The following CDH18 variants were observed in gnomAD, a reference collection of about 807,000 sequenced individuals.
CDH18 encodes cadherin 18.
Under a neutral mutation model 67.9 loss-of-function variants are expected in CDH18, and 31 were observed. The ratio of observed to expected loss-of-function variants is 0.46; its 90% CI spans 0.34 to 0.62. CDH18 has a LOEUF of 0.62. Among genes scored for constraint, CDH18 ranks in the 20% least tolerant of loss-of-function variants. CDH18 has a pLI of 0.01. For synonymous variants in CDH18, 362 were observed against 347.2 expected (o/e 1.04, Z -0.48); for missense variants, 890 against 975.5 (o/e 0.91, Z 1.17).
intron 2 of CDH18, among the ~76,000 whole-genome samples, chr5:20,199,580 G>C (rs1272611466): frequency 6.6e-6 from 1 of 152,124 alleles, no homozygotes; most frequent in African/African-American, 2.4e-5. Context: ...GGGATTTTTG[G>C]TTAATTCTGG....
chr5:19,851,962 T>C (rs991957183), intron 2 of CDH18, among the ~76,000 whole-genome samples: 1 of 152,080 alleles, frequency 6.6e-6, no homozygotes, highest in South Asian at 2.1e-4. Context: ...GTGTTTCTAA[T>C]AGCATTGTTT....
At chr5:20,469,880 A>T (rs1027727476) in intron 1 of CDH18, among the ~76,000 whole-genome samples, 2 of 152,086 alleles carry the variant, frequency 1.3e-5, no homozygotes, top group East Asian at 3.9e-4. Context: ...GATAGTTTCA[A>T]TTCTCAGAGA....
intron 9 of CDH18, among the ~76,000 whole-genome samples, chr5:19,530,950 T>C (rs1424163123): frequency 6.6e-6 from 1 of 152,182 alleles, no homozygotes; most frequent in African/African-American, 2.4e-5. Context: ...CATGGTGTGC[T>C]GCACCCACTG....
intron 5 of CDH18, among the ~76,000 whole-genome samples, chr5:19,619,279 A>G (rs1750327918): frequency 1.3e-5 from 2 of 152,228 alleles, no homozygotes; most frequent in African/African-American, 4.8e-5. Flanking sequence ...ACAACTTACG[A>G]AGTTGAAATG....
intron 2 of CDH18, among the ~76,000 whole-genome samples, chr5:19,919,054 G>C (rs1227709207): frequency 6.6e-6 from 1 of 152,020 alleles, no homozygotes; most frequent in African/African-American, 2.4e-5. Context: ...CTAATGGCTA[G>C]TGATTTAATC....
chr5:20,428,251 C>A (rs1748464787), intron 1 of CDH18, among the ~76,000 whole-genome samples: 1 of 150,918 alleles, frequency 6.6e-6, no homozygotes, highest in Non-Finnish European at 1.5e-5. Flanking sequence ...TAGCTTCATC[C>A]ATGTCCCTGA....
intron 1 of CDH18, among the ~76,000 whole-genome samples, chr5:20,543,411 G>A (rs1021366274): frequency 1.6e-4 from 24 of 151,876 alleles, no homozygotes; most frequent in African/African-American, 5.8e-4. Context: ...AACACATTTT[G>A]TGCTAAGCTG....
chr5:19,533,010 G>T (rs1689680), intron 9 of CDH18, among the ~76,000 whole-genome samples: 1 of 152,026 alleles, frequency 6.6e-6, no homozygotes, highest in Non-Finnish European at 1.5e-5. Context: ...GGCCAATATG[G>T]AATTCAGGGG....
At chr5:19,687,325 G>A (rs1469460164) in intron 5 of CDH18, among the ~76,000 whole-genome samples, 1 of 152,164 alleles carries the variant, frequency 6.6e-6, no homozygotes, top group Admixed American at 6.5e-5. Context: ...AATGCATCCT[G>A]TTCTGAGGCC....
rs190433135 is a variant in CDH18, at chr5:20,109,745, A to G, written c.-517-117731T>C. 4.8e-4 allele frequency among the ~76,000 whole-genome samples: 73 copies of G among 152,342 alleles called. 1 individual carries two copies. Among genetic ancestry groups the G allele is most frequent in the Admixed American group, 4.8e-3 (73 of 15,298 alleles). On this transcript the variant is annotated intron_variant, in intron 2 of 14. Transcript: ENST00000507958. ...TGTTTTTGTTTGTTTTGCTTTTGCA[A>G]CAACAAAGGATTGTTTTCTGGAAGA...
intron 1 of CDH18, among the ~76,000 whole-genome samples, chr5:20,517,685 A>G (rs1026272553): frequency 6.6e-6 from 1 of 152,094 alleles, no homozygotes; most frequent in Non-Finnish European, 1.5e-5. Context: ...GGTATTACAT[A>G]TACCAGAATT....
chr5:20,333,699 C>T (rs534951624), intron 1 of CDH18, among the ~76,000 whole-genome samples: 47 of 151,882 alleles, frequency 3.1e-4, no homozygotes, highest in African/African-American at 1.1e-3. Flanking sequence ...AGAATTTAAC[C>T]GGCATCGATT....
intron 5 of CDH18, among the ~76,000 whole-genome samples, chr5:19,717,911 T>G (rs930820273): frequency 6.6e-6 from 1 of 152,068 alleles, no homozygotes; most frequent in African/African-American, 2.4e-5. Flanking sequence ...CATCATTTTT[T>G]AGTGCACATT....
At chr5:20,182,153 T>G (rs910385652) in intron 2 of CDH18, among the ~76,000 whole-genome samples, 2 of 152,120 alleles carry the variant, frequency 1.3e-5, no homozygotes, top group Non-Finnish European at 2.9e-5. Flanking sequence ...TAAGGGATAA[T>G]AGCAAAACCA....
chr5:20,161,374 T>C (rs1258404473), intron 2 of CDH18, among the ~76,000 whole-genome samples: 2 of 152,130 alleles, frequency 1.3e-5, no homozygotes, highest in Non-Finnish European at 2.9e-5. Flanking sequence ...GGAGCATTCC[T>C]ACAAACAAAC....
At chr5:20,457,762 G>C (rs1750945269) in intron 1 of CDH18, among the ~76,000 whole-genome samples, 1 of 152,138 alleles carries the variant, frequency 6.6e-6, no homozygotes, top group African/African-American at 2.4e-5. Flanking sequence ...TAATGTGGAG[G>C]CAGGATGAAT....
intron 5 of CDH18, among the ~76,000 whole-genome samples, chr5:19,619,512 C>T (rs1177296200): frequency 6.6e-6 from 1 of 152,100 alleles, no homozygotes; most frequent in Admixed American, 6.6e-5. Context: ...TGAACCCAGG[C>T]TTGGGGTCTG....
intron 5 of CDH18, among the ~76,000 whole-genome samples, chr5:19,673,544 C>T (rs1042340720): frequency 6.6e-6 from 1 of 151,902 alleles, no homozygotes; most frequent in Non-Finnish European, 1.5e-5. Context: ...AATTATAAAT[C>T]ATCAGATATA....
At chr5:20,247,759 CAAA>C (rs34347567) in intron 2 of CDH18, among the ~76,000 whole-genome samples, 1 of 129,252 alleles carries the variant, frequency 7.7e-6, no homozygotes. Context: ...GCGAGACCAT[CAAA>C]AAAAAAAAAA....
Sources: gnomAD v4.1 joint callset for allele counts (sites outside exome capture counted in the v4.1 genomes callset) on GRCh38, gnomAD v4.1.1 for gene constraint, MANE v1.5 for transcripts, NCBI Gene and HGNC (gene_info 2026-07-23, HGNC 2026-07-21) for gene names.